Variants in EYS observed in about 807,000 individuals in gnomAD.
EYS encodes the protein EGF-like photoreceptor maintenance factor.
A neutral mutation model predicts 282.1 loss-of-function variants in EYS; 250 were observed. The observed-to-expected ratio is 0.89, with a 90% CI of 0.80 to 0.98. The LOEUF (loss-of-function observed/expected upper bound fraction) is 0.98, where lower values mean the gene tolerates loss of function less well. EYS is among the 50% of genes least tolerant of loss of function. The pLI is 0.00. For missense variants in EYS, 4,016 were observed against 3,709.0 expected, an observed-to-expected ratio of 1.08 and a Z score of -2.15; for synonymous variants, 1,355 against 1,282.9, an observed-to-expected ratio of 1.06 and a Z score of -1.20.
chr6:65,546,846 C>T (rs1768410441), intron 2 of EYS, among the ~76,000 whole-genome samples: 1 of 152,116 alleles, frequency 6.6e-6, no homozygotes, highest in Admixed American at 6.5e-5. Context: ...GCTGGGACTA[C>T]AGGCATGAGC....
At position 64,508,494 on chromosome 6, in the gene EYS, T is replaced by A. The variant is rs1000726210; in HGVS notation, c.5645-69142A>T. ...AATTTTTCTTCAAGCCCTAAGATCA[T>A]ATGACTAAGGAGAAATGATATCCGC... On this transcript the variant is annotated intron_variant, in intron 26 of 42. Coordinates refer to ENST00000503581, the MANE Select transcript of EYS (RefSeq NM_001142800.2). Among the ~76,000 whole-genome samples, 4 of 151,316 alleles carry A rather than the reference T, an allele frequency of 2.6e-5. No homozygotes were observed. The South Asian group carries it at 6.2e-4, about 24-fold the overall frequency.
chr6:65,433,748 T>C (rs1218584140), intron 5 of EYS, among the ~76,000 whole-genome samples: 3 of 152,208 alleles, frequency 2.0e-5, no homozygotes, highest in Non-Finnish European at 2.9e-5. Context: ...AACCAAGTAA[T>C]GACTTTAACA....
intron 19 of EYS, among the ~76,000 whole-genome samples, chr6:64,850,250 T>A (rs1185566694): frequency 6.6e-6 from 1 of 152,124 alleles, no homozygotes; most frequent in African/African-American, 2.4e-5. Flanking sequence ...TCTTTCTATA[T>A]TAACTATAAA....
intron 12 of EYS, among the ~76,000 whole-genome samples, chr6:65,197,157 T>G (rs1300871026): frequency 6.6e-6 from 1 of 152,000 alleles, no homozygotes; most frequent in African/African-American, 2.4e-5. Context: ...TTGAAGAAAA[T>G]AGACTCTCCT....
intron 12 of EYS, among the ~76,000 whole-genome samples, chr6:65,249,618 T>C (rs1005383513): frequency 6.6e-6 from 1 of 151,968 alleles, no homozygotes; most frequent in African/African-American, 2.4e-5. Flanking sequence ...TAGAAGTCTC[T>C]TGTCTGCGAA....
chr6:64,879,308 A>C (rs1314420000), intron 19 of EYS, among the ~76,000 whole-genome samples: 2 of 152,138 alleles, frequency 1.3e-5, no homozygotes, highest in Admixed American at 6.6e-5. Context: ...CCAGTCAGGC[A>C]TTCCCATTCA....
intron 31 of EYS, among the ~76,000 whole-genome samples, chr6:64,153,445 G>A (rs1368165263): frequency 6.6e-6 from 1 of 152,180 alleles, no homozygotes; most frequent in Admixed American, 6.6e-5. Flanking sequence ...TAACTAAAGA[G>A]TCACTCTGTT....
intron 36 of EYS, among the ~76,000 whole-genome samples, chr6:63,812,429 C>A (rs1488230625): frequency 1.3e-5 from 2 of 152,148 alleles, no homozygotes; most frequent in African/African-American, 2.4e-5. Context: ...ACTCCTTGTG[C>A]CCTGCCCTTC....
chr6:64,237,178 T>G (rs186118153), intron 30 of EYS, among the ~76,000 whole-genome samples: 17 of 152,344 alleles, frequency 1.1e-4, no homozygotes, highest in Admixed American at 5.9e-4. Context: ...TTTCAAATTA[T>G]ATTTCTTTAT....
At chr6:64,387,173 T>G (rs585109) in intron 29 of EYS, among the ~76,000 whole-genome samples, 4 of 151,850 alleles carry the variant, frequency 2.6e-5, no homozygotes, top group African/African-American at 7.3e-5. Context: ...ATTACCTAAG[T>G]CTGTGTATAT....
intron 12 of EYS, among the ~76,000 whole-genome samples, chr6:65,277,466 G>A (rs534430793): frequency 2.0e-5 from 3 of 146,562 alleles, no homozygotes; most frequent in South Asian, 2.2e-4. Context: ...AAAAAAAAGC[G>A]CCCCGGAAAA....
intron 29 of EYS, among the ~76,000 whole-genome samples, chr6:64,371,852 T>C (rs1772384844): frequency 6.6e-6 from 1 of 152,220 alleles, no homozygotes; most frequent in South Asian, 2.1e-4. Flanking sequence ...CCTTTTTGTT[T>C]TCCATTTGCA....
At chr6:64,852,707 A>T (rs9360092) in intron 19 of EYS, among the ~76,000 whole-genome samples, 23,220 of 152,058 alleles carry the variant, frequency 0.15, 2,004 homozygotes, top group East Asian at 0.43. Flanking sequence ...GGAGACATAG[A>T]TACAGGGAGA....
chr6:64,033,861 T>TAC (rs1253009529), intron 33 of EYS, among the ~76,000 whole-genome samples: 1 of 151,312 alleles, frequency 6.6e-6, no homozygotes, highest in Non-Finnish European at 1.5e-5. Context: ...TATATATATA[T>TAC]AAAATTGGGA....
At chr6:65,081,414 C>G (rs1426031411) in intron 12 of EYS, among the ~76,000 whole-genome samples, 1 of 151,982 alleles carries the variant, frequency 6.6e-6, no homozygotes, top group African/African-American at 2.4e-5. Flanking sequence ...TAGTCTAATT[C>G]TTGTAATGGC....
intron 35 of EYS, among the ~76,000 whole-genome samples, chr6:63,978,809 G>C (rs1467067308): frequency 6.6e-6 from 1 of 151,830 alleles, no homozygotes; most frequent in Non-Finnish European, 1.5e-5. Context: ...TCATTTTGAA[G>C]TGCTAAATGA....
At chr6:64,787,982 C>G (rs1435067220) in intron 22 of EYS, among the ~76,000 whole-genome samples, 1 of 151,930 alleles carries the variant, frequency 6.6e-6, no homozygotes, top group Non-Finnish European at 1.5e-5. Context: ...TGCTGCTTGT[C>G]TATCTGAGTA....
At chr6:64,783,258 G>T (rs1259765605) in intron 22 of EYS, among the ~76,000 whole-genome samples, 1 of 151,798 alleles carries the variant, frequency 6.6e-6, no homozygotes, top group Non-Finnish European at 1.5e-5. Flanking sequence ...CTCTTACTGT[G>T]CCTAATTTAT....
intron 1 of EYS, among the ~76,000 whole-genome samples, chr6:65,693,944 A>G (rs12211518): frequency 0.37 from 55,720 of 149,718 alleles, 14,287 homozygotes; most frequent in Non-Finnish European, 0.52. Context: ...ACTACTTTTA[A>G]GAATGTCCTG....
Sources: gnomAD v4.1 joint callset for allele counts (sites outside exome capture counted in the v4.1 genomes callset) on GRCh38, gnomAD v4.1.1 for gene constraint, MANE v1.5 for transcripts, NCBI Gene and HGNC (gene_info 2026-07-23, HGNC 2026-07-21) for gene names.